Variants in GLIS3 observed in about 807,000 individuals in gnomAD.
The protein encoded by GLIS3 is GLIS family zinc finger 3.
Under a neutral mutation model 78.6 loss-of-function variants are expected in GLIS3, and 53 were observed. The observed-to-expected ratio is 0.67, with a 90% confidence interval of 0.54 to 0.85. GLIS3 has a LOEUF of 0.85. Ranked by LOEUF, GLIS3 falls within the 40% of genes least tolerant of loss-of-function variation. GLIS3 has a pLI of 0.00. For synonymous variants in GLIS3, 684 were observed against 509.9 expected (o/e 1.34, Z -4.60); for missense variants, 1,703 against 1,231.1 (o/e 1.38, Z -5.74).
At chr9:4,258,686 GT>G (rs1258859520) in intron 2 of GLIS3, among the ~76,000 whole-genome samples, 1 of 152,174 alleles carries the variant, frequency 6.6e-6, no homozygotes, top group Non-Finnish European at 1.5e-5. Flanking sequence ...ACATCAGTTA[GT>G]TTTGAGTGGC....
chr9:4,370,718 TTTAA>T, the GLIS3 span, among the ~76,000 whole-genome samples: 15 of 151,436 alleles, frequency 9.9e-5, no homozygotes, highest in East Asian at 3.9e-4. Flanking sequence ...ATATATTATT[TTTAA>T]TTAATTAAAT....
chr9:4,416,812 G>GTCT, the GLIS3 span, among the ~76,000 whole-genome samples: 1 of 95,822 alleles, frequency 1.0e-5, no homozygotes, highest in African/African-American at 4.0e-5. Flanking sequence ...CCCATAGTCA[G>GTCT]TTTTTTTTTT....
At chr9:3,874,142 G>C (rs1479508171) in intron 8 of GLIS3, among the ~76,000 whole-genome samples, 1 of 152,258 alleles carries the variant, frequency 6.6e-6, no homozygotes, top group Non-Finnish European at 1.5e-5. Flanking sequence ...CAACTGGAGA[G>C]ACCAAGGCAG....
the GLIS3 span, among the ~76,000 whole-genome samples, chr9:4,448,572 G>A: frequency 6.6e-6 from 1 of 152,190 alleles, no homozygotes; most frequent in Admixed American, 6.5e-5. Context: ...GATATTTCCA[G>A]CTTCTTGTGG....
Position 4,112,610 on chromosome 9 carries a change from T to A in GLIS3, c.1710+5158A>T, listed in dbSNP as rs529040897. On this transcript the variant is annotated intron_variant, in intron 4 of 10. Transcript: ENST00000381971. Reference sequence around the variant, plus strand: ...TCCAGTGTCAGCCAGGGTTAAGAACTACAGCCTCAGAAGTTCTAAGTATGG... The same window carrying A: ...TCCAGTGTCAGCCAGGGTTAAGAACAACAGCCTCAGAAGTTCTAAGTATGG... Among the ~76,000 whole-genome samples, 22 of 152,286 alleles carry A rather than the reference T, an allele frequency of 1.4e-4. No individual in the cohort carries two copies. The East Asian group carries it at 4.2e-3, about 29-fold the overall frequency.
Position 4,026,137 on chromosome 9 carries a change from A to G in GLIS3, c.1711-88948T>C, listed in dbSNP as rs139870217. On this transcript the variant is annotated intron_variant, in intron 4 of 10. Coordinates refer to ENST00000381971, the MANE Select transcript of GLIS3 (RefSeq NM_001042413.2). ...TAGTCTACAAAGGCTTTCTTCCAAC[A>G]TCAAGATTATAAATGCACAGGTATT... Among the ~76,000 whole-genome samples, 750 of 152,336 alleles carry G rather than the reference A, an allele frequency of 4.9e-3. 8 individuals carry two copies. Among genetic ancestry groups the G allele is most frequent in the African/African-American group, 0.018 (730 of 41,568 alleles).
chr9:3,836,821 G>A (rs1430921986), intron 9 of GLIS3, among the ~76,000 whole-genome samples: 1 of 151,976 alleles, frequency 6.6e-6, no homozygotes, highest in Non-Finnish European at 1.5e-5. Context: ...TCTCACCACC[G>A]CTCACCACCA....
At chr9:4,374,890 T>C in the GLIS3 span, among the ~76,000 whole-genome samples, 1 of 152,246 alleles carries the variant, frequency 6.6e-6, no homozygotes, top group Non-Finnish European at 1.5e-5. Context: ...CATCCATTTT[T>C]TTCCACCTGA....
Position 4,317,131 on chromosome 9 carries a change from T to C in GLIS3, n.265-6603A>G, listed in dbSNP as rs1817448450. The stretch of plus-strand genomic sequence containing the variant: ...CCTATTGGCTAAGAAAAAGAAAGAA[T>C]GTATTCAGTGCCTTTCGACTGCAAG... On this transcript the variant is annotated intron_variant and non_coding_transcript_variant, in intron 2 of 4. Transcript: ENST00000471664. 3.9e-5 allele frequency among the ~76,000 whole-genome samples: 6 copies of C among 152,318 alleles called. No individual in the cohort carries two copies. The South Asian group carries it at 1.2e-3, about 32-fold the overall frequency.
chr9:4,460,088 G>T, the GLIS3 span, among the ~76,000 whole-genome samples: 1 of 151,904 alleles, frequency 6.6e-6, no homozygotes, highest in African/African-American at 2.4e-5. Flanking sequence ...CTTGGTTCAG[G>T]TCAGGTACCC....
intron 2 of GLIS3, among the ~76,000 whole-genome samples, chr9:4,242,360 C>T (rs1177392553): frequency 6.6e-6 from 1 of 152,132 alleles, no homozygotes; most frequent in Non-Finnish European, 1.5e-5. Context: ...CCAGGAAATC[C>T]TATACTTATT....
intron 2 of GLIS3, among the ~76,000 whole-genome samples, chr9:4,232,131 A>T (rs958000564): frequency 6.6e-6 from 1 of 152,184 alleles, no homozygotes; most frequent in Non-Finnish European, 1.5e-5. Context: ...TAATGCCAGC[A>T]CTTTGGGAGG....
At chr9:3,871,273 T>A (rs111681427) in intron 8 of GLIS3, among the ~76,000 whole-genome samples, 1 of 152,108 alleles carries the variant, frequency 6.6e-6, no homozygotes, top group Non-Finnish European at 1.5e-5. Flanking sequence ...TGGGCTGGCA[T>A]TGGCTTTTGC....
At chr9:4,067,589 T>A (rs2130609827) in intron 4 of GLIS3, among the ~76,000 whole-genome samples, 1 of 152,264 alleles carries the variant, frequency 6.6e-6, no homozygotes, top group Non-Finnish European at 1.5e-5. Flanking sequence ...AATTCCCAGT[T>A]TATCTCCTCA....
At chr9:4,419,492 T>TA in the GLIS3 span, among the ~76,000 whole-genome samples, 1 of 152,054 alleles carries the variant, frequency 6.6e-6, no homozygotes, top group Admixed American at 6.6e-5. Flanking sequence ...CTACATACTT[T>TA]AAAACAACCA....
intron 2 of GLIS3, among the ~76,000 whole-genome samples, chr9:4,204,366 A>T (rs1391231563): frequency 6.6e-6 from 1 of 152,208 alleles, no homozygotes; most frequent in Non-Finnish European, 1.5e-5. Flanking sequence ...TCAGGAACTC[A>T]TTAGGTCTGA....
chr9:4,287,368 C>G (rs987662748), intron 1 of GLIS3, among the ~76,000 whole-genome samples: 3 of 152,152 alleles, frequency 2.0e-5, no homozygotes, highest in Non-Finnish European at 2.9e-5. Context: ...GAACAAGAAC[C>G]AAGAGAAGCA....
chr9:4,013,106 C>A (rs1822164357), intron 4 of GLIS3, among the ~76,000 whole-genome samples: 1 of 152,072 alleles, frequency 6.6e-6, no homozygotes, highest in African/African-American at 2.4e-5. Context: ...CTTTGGGCAT[C>A]TTCAGCTCTC....
At chr9:4,119,051 G>C (rs896506953) in intron 3 of GLIS3, among the ~76,000 whole-genome samples, 170 bp from the exon 4 acceptor site, 1 of 152,160 alleles carries the variant, frequency 6.6e-6, no homozygotes, top group African/African-American at 2.4e-5. Context: ...AAGGCTTCCA[G>C]TTCCAGGTAA....
Sources: gnomAD v4.1 joint callset for allele counts (sites outside exome capture counted in the v4.1 genomes callset) on GRCh38, gnomAD v4.1.1 for gene constraint, MANE v1.5 for transcripts, NCBI Gene and HGNC (gene_info 2026-07-23, HGNC 2026-07-21) for gene names.